Variants in ANKRD44 observed in about 807,000 individuals in gnomAD.
ANKRD44 encodes the protein serine/threonine-protein phosphatase 6 regulatory ankyrin repeat subunit B.
In ANKRD44, 35 loss-of-function variants were observed where a neutral mutation model predicts 116.0. That is an observed-to-expected ratio of 0.30 (90% CI 0.23 to 0.40). The LOEUF (loss-of-function observed/expected upper bound fraction) is 0.40. ANKRD44 is among the 10% of genes least tolerant of loss of function. ANKRD44 has a pLI of 1.00. For missense variants in ANKRD44, 1,014 were observed against 1,242.6 expected, an observed-to-expected ratio of 0.82 and a Z score of 2.77; for synonymous variants, 435 against 461.8, an observed-to-expected ratio of 0.94 and a Z score of 0.74.
intron 21 of ANKRD44, 80 bp from the exon 22 acceptor site, chr2:197,001,920 G>T: frequency 9.5e-7 from 1 of 1,051,484 alleles, no homozygotes; most frequent in Non-Finnish European, 1.4e-6. Context: ...ATTAAGTATT[G>T]AGTTTTTGGT....
chr2:197,058,233 A>G (rs1048324949), intron 16 of ANKRD44, among the ~76,000 whole-genome samples: 1 of 152,180 alleles, frequency 6.6e-6, no homozygotes, highest in Non-Finnish European at 1.5e-5. Flanking sequence ...TGAGATTGCC[A>G]TTACTGCACA....
chr2:197,053,632 C>T (rs1327217218), intron 16 of ANKRD44, among the ~76,000 whole-genome samples: 6 of 152,052 alleles, frequency 3.9e-5, no homozygotes, highest in Non-Finnish European at 5.9e-5. Context: ...TACAGGTGCC[C>T]ACCACCATGC....
chr2:196,970,892 G>A (rs764191225), intron 21 of ANKRD44, among the ~76,000 whole-genome samples: 1 of 151,956 alleles, frequency 6.6e-6, no homozygotes, highest in Non-Finnish European at 1.5e-5. Context: ...TTGTAGAGAC[G>A]GGGTTTTGCC....
At chr2:197,279,308 C>T (rs1019533991) in intron 1 of ANKRD44, among the ~76,000 whole-genome samples, 1 of 152,120 alleles carries the variant, frequency 6.6e-6, no homozygotes, top group Non-Finnish European at 1.5e-5. Flanking sequence ...GGAAGATGGC[C>T]TGAGAAACAG....
At chr2:197,216,425 C>G (rs973541980) in intron 1 of ANKRD44, among the ~76,000 whole-genome samples, 1 of 152,162 alleles carries the variant, frequency 6.6e-6, no homozygotes, top group Admixed American at 6.5e-5. Context: ...CAGGGAAAAT[C>G]TGTGGCTTCT....
chr2:197,096,423 C>T (rs894377781), intron 10 of ANKRD44, among the ~76,000 whole-genome samples: 3 of 152,008 alleles, frequency 2.0e-5, no homozygotes, highest in Non-Finnish European at 2.9e-5. Context: ...CGAGACAATC[C>T]GCAAACTAAC....
chr2:197,278,996 G>T (rs1282461324), intron 1 of ANKRD44, among the ~76,000 whole-genome samples: 1 of 152,192 alleles, frequency 6.6e-6, no homozygotes, highest in Non-Finnish European at 1.5e-5. Context: ...TCCTTTCAAA[G>T]GTTGGGCTCT....
intron 1 of ANKRD44, chr2:197,263,424 C>T: frequency 1.7e-6 from 1 of 578,776 alleles, no homozygotes; most frequent in Non-Finnish European, 3.2e-6. Context: ...ATGCCAGGAA[C>T]CCTTCTCTGA....
Position 196,979,858 on chromosome 2 carries a change from G to A in ANKRD44, c.2369-12412C>T, listed in dbSNP as rs986464566. Among the ~76,000 whole-genome samples, 31 of 151,874 alleles carry A rather than the reference G, an allele frequency of 2.0e-4. 1 individual carries two copies. Among genetic ancestry groups the A allele is most frequent in the Admixed American group, 1.4e-3 (21 of 15,248 alleles). Reference sequence around the variant, plus strand: ...ATTACAGGCATGAGCCACCGTGCCCGGCCAATAAGGTGATTTTTATTTGCA... The same window carrying A: ...ATTACAGGCATGAGCCACCGTGCCCAGCCAATAAGGTGATTTTTATTTGCA... On this transcript the variant is annotated intron_variant, in intron 21 of 21. Transcript: ENST00000424317.
At chr2:197,184,111 T>C (rs574870626) in intron 2 of ANKRD44, among the ~76,000 whole-genome samples, 4 of 152,316 alleles carry the variant, frequency 2.6e-5, no homozygotes, top group African/African-American at 4.8e-5. Context: ...TACATAACTA[T>C]GGATGAATAA....
intron 16 of ANKRD44, among the ~76,000 whole-genome samples, chr2:197,072,167 T>G (rs545689175): frequency 6.6e-6 from 1 of 152,250 alleles, no homozygotes; most frequent in South Asian, 2.1e-4. Flanking sequence ...CTTATTTTTT[T>G]GGTTGACTTG....
rs1161006637 is a variant in ANKRD44 at position 197,286,843 on chromosome 2, G to C, written c.27+23735C>G. Among the ~76,000 whole-genome samples the C allele has an allele frequency of 3.3e-5, 5 of 152,136 alleles. No individual in the cohort carries two copies. The South Asian group carries it at 1.0e-3, about 32-fold the overall frequency. On this transcript the variant is annotated intron_variant, in intron 1 of 27. Coordinates refer to ENST00000282272, the MANE Select transcript of ANKRD44 (RefSeq NM_001195144.2). ...GTTTCAAAATTCCTTTATCCTGCTA[G>C]ATCCCTTTTTAAAAGAATTTATCCA...
chr2:197,069,110 A>G (rs1356516310), intron 16 of ANKRD44, among the ~76,000 whole-genome samples: 1 of 152,220 alleles, frequency 6.6e-6, no homozygotes, highest in Non-Finnish European at 1.5e-5. Context: ...ATGGAATACT[A>G]TGCAGCCATA....
intron 9 of ANKRD44, among the ~76,000 whole-genome samples, chr2:197,106,123 T>C (rs1227904177): frequency 6.6e-6 from 1 of 152,156 alleles, no homozygotes; most frequent in Non-Finnish European, 1.5e-5. Context: ...GCTTTCATTT[T>C]ACAAGTCAGC....
intron 2 of ANKRD44, among the ~76,000 whole-genome samples, chr2:197,169,611 C>A (rs979030492): frequency 3.9e-5 from 6 of 152,180 alleles, no homozygotes; most frequent in Non-Finnish European, 7.3e-5. Context: ...TGACCACGGA[C>A]CAATGGTTCT....
intron 1 of ANKRD44, among the ~76,000 whole-genome samples, chr2:197,224,527 A>G (rs2081656754): frequency 6.6e-6 from 1 of 152,192 alleles, no homozygotes; most frequent in Non-Finnish European, 1.5e-5. Flanking sequence ...TCTCCATTAA[A>G]AGCAGATATC....
chr2:197,040,182 T>C (rs945118779), intron 16 of ANKRD44, among the ~76,000 whole-genome samples: 3 of 151,756 alleles, frequency 2.0e-5, no homozygotes, highest in Non-Finnish European at 4.4e-5. Context: ...GAGGTTGCAT[T>C]GAGCTGAGAT....
chr2:197,183,400 C>T (rs906149301), intron 2 of ANKRD44, among the ~76,000 whole-genome samples: 10 of 152,132 alleles, frequency 6.6e-5, no homozygotes, highest in South Asian at 2.1e-4. Context: ...TATTTTCCTT[C>T]CTTGACATTT....
chr2:197,226,870 T>C (rs1017778811), intron 1 of ANKRD44, among the ~76,000 whole-genome samples: 9 of 152,152 alleles, frequency 5.9e-5, no homozygotes, highest in Admixed American at 3.3e-4. Context: ...CCTTCTTTCA[T>C]AACTCTATTT....
Sources: gnomAD v4.1 joint callset for allele counts (sites outside exome capture counted in the v4.1 genomes callset) on GRCh38, gnomAD v4.1.1 for gene constraint, MANE v1.5 for transcripts, NCBI Gene and HGNC (gene_info 2026-07-23, HGNC 2026-07-21) for gene names.